Variants in WDR64 observed in about 807,000 individuals in gnomAD.
WDR64 encodes WD repeat domain 64, also known as WD repeat-containing protein 64.
WDR64 carries 112 observed loss-of-function variants against 139.3 expected under a neutral mutation model. That is an observed-to-expected ratio of 0.80 (90% CI 0.69 to 0.94). WDR64 has a LOEUF of 0.94. Among genes scored for constraint, WDR64 ranks in the 40% least tolerant of loss-of-function variants. WDR64 has a pLI of 0.00. For synonymous variants in WDR64, 444 were observed against 437.7 expected, an observed-to-expected ratio of 1.01 and a Z score of -0.18; for missense variants, 1,206 against 1,293.1, an observed-to-expected ratio of 0.93 and a Z score of 1.03.
intron 13 of WDR64, among the ~76,000 whole-genome samples, chr1:241,746,052 G>A (rs1218200848): frequency 6.6e-6 from 1 of 152,130 alleles, no homozygotes; most frequent in Non-Finnish European, 1.5e-5. Context: ...GTCCTTGAGG[G>A]TAGGCACTAT....
intron 8 of WDR64, among the ~76,000 whole-genome samples, chr1:241,697,710 G>A (rs1024910413): frequency 1.3e-5 from 2 of 151,922 alleles, no homozygotes; most frequent in South Asian, 2.1e-4. Flanking sequence ...TTTAACTTCC[G>A]AGAAGAGTAC....
At chr1:241,665,094 T>C (rs532394587) in intron 2 of WDR64, among the ~76,000 whole-genome samples, 4 of 152,088 alleles carry the variant, frequency 2.6e-5, no homozygotes, top group Non-Finnish European at 5.9e-5. Flanking sequence ...AAACAAAACA[T>C]ATGACATTAT....
rs779905240 is a variant in WDR64, at chr1:241,769,422, C to T, written c.2100C>T (p.Cys700=). The change falls in exon 17 of 28, where the codon TGC becomes TGT. Residue 700 remains cysteine, a synonymous_variant. Transcript: ENST00000437684. The part of the protein sequence containing the change: ...TVKKVYRPED[C]FTVNPDLHPK... ...CTTCTAGGTACCGACCTGAAGATTG[C>T]TTCACTGTAAACCCTGACTTGCATC... The T allele has an allele frequency of 5.8e-6, 9 of 1,551,414 alleles. No homozygotes were observed. The highest frequency in any genetic ancestry group is 7.8e-6 in the Non-Finnish European group (9 of 1,146,962).
intron 14 of WDR64, 92 bp downstream of exon 14, chr1:241,749,814 C>G: frequency 7.3e-7 from 1 of 1,373,382 alleles, no homozygotes; most frequent in Non-Finnish European, 1.0e-6. Context: ...TAACCCCGCT[C>G]TTGGTAGCCA....
chr1:241,736,894 C>A (rs539514532), intron 10 of WDR64, among the ~76,000 whole-genome samples: 2 of 152,282 alleles, frequency 1.3e-5, no homozygotes, highest in African/African-American at 2.4e-5. Context: ...TCCTCCTTTG[C>A]CTAGTCTCTT....
intron 8 of WDR64, among the ~76,000 whole-genome samples, chr1:241,705,592 T>TAATAAA (rs1667921710): frequency 1.3e-5 from 2 of 148,220 alleles, no homozygotes; most frequent in African/African-American, 5.0e-5. Context: ...ATAATAATAA[T>TAATAAA]AATAAAAGAT....
chr1:241,699,860 T>A (rs1461553880), intron 8 of WDR64, among the ~76,000 whole-genome samples: 1 of 152,088 alleles, frequency 6.6e-6, no homozygotes, highest in Non-Finnish European at 1.5e-5. Context: ...CATACCATGC[T>A]AAAGAGTTGG....
intron 8 of WDR64, 70 bp downstream of exon 8, chr1:241,687,665 C>A: frequency 6.9e-7 from 1 of 1,452,294 alleles, no homozygotes; most frequent in Non-Finnish European, 9.3e-7. Context: ...AAAACCATGA[C>A]AGCTTTGAAA....
intron 13 of WDR64, among the ~76,000 whole-genome samples, chr1:241,747,376 T>C (rs1045932840): frequency 6.6e-5 from 10 of 152,216 alleles, no homozygotes; most frequent in African/African-American, 2.2e-4. Context: ...TTTAGGATTA[T>C]ACCGTAGTCA....
At chr1:241,782,833 A>T (rs1469185845) in intron 22 of WDR64, among the ~76,000 whole-genome samples, 1 of 152,166 alleles carries the variant, frequency 6.6e-6, no homozygotes. Flanking sequence ...CTATCTCTAG[A>T]TAAAATCTGA....
intron 2 of WDR64, among the ~76,000 whole-genome samples, chr1:241,664,111 C>CCTGA (rs1188585263): frequency 1.3e-5 from 2 of 152,234 alleles, no homozygotes; most frequent in East Asian, 3.8e-4. Context: ...AAGTGTACAA[C>CCTGA]ATGAATGCAT....
chr1:241,740,865 A>T (rs1434800756), intron 11 of WDR64, among the ~76,000 whole-genome samples: 2 of 152,110 alleles, frequency 1.3e-5, no homozygotes. Flanking sequence ...TAGACATTAC[A>T]CTAAAACAGA....
chr1:241,724,599 CACAAT>C (rs1391402673), intron 10 of WDR64, among the ~76,000 whole-genome samples: 2 of 152,042 alleles, frequency 1.3e-5, no homozygotes, highest in African/African-American at 4.8e-5. Context: ...TAATATACAG[CACAAT>C]ACATTACATA....
intron 7 of WDR64, among the ~76,000 whole-genome samples, chr1:241,686,194 G>C (rs1018401204): frequency 3.9e-5 from 6 of 152,294 alleles, no homozygotes; most frequent in African/African-American, 1.4e-4. Flanking sequence ...AACCTCACCA[G>C]AATGACAAGT....
intron 1 of WDR64, among the ~76,000 whole-genome samples, chr1:241,659,420 T>C (rs1447819531): frequency 6.6e-6 from 1 of 152,248 alleles, no homozygotes; most frequent in Non-Finnish European, 1.5e-5. Context: ...TTTGGGTATA[T>C]ACTCAGTAAT....
chr1:241,802,631 T>G lies in WDR64; in HGVS notation c.*1416T>G, dbSNP rs956675701. 6.6e-6 allele frequency among the ~76,000 whole-genome samples: 1 copy of G among 152,186 alleles called. No individual in the cohort carries two copies. Among genetic ancestry groups the G allele is most frequent in the African/African-American group, 2.4e-5 (1 of 41,444 alleles). The stretch of plus-strand genomic sequence containing the variant: ...GATTACTAGTGTCTTCCACTTACTT[T>G]GAAATGAATCAAAAAAATAAGATGA... On this transcript the variant is annotated 3_prime_UTR_variant, in exon 28 of 28. Coordinates refer to ENST00000437684, the MANE Select transcript of WDR64 (RefSeq NM_001367482.1).
intron 14 of WDR64, among the ~76,000 whole-genome samples, 179 bp downstream of exon 14, chr1:241,749,901 A>G (rs1405036381): frequency 6.6e-6 from 1 of 152,102 alleles, no homozygotes; most frequent in Admixed American, 6.5e-5. Context: ...AAAGAGCAAA[A>G]AACAATCGCT....
In WDR64 at chr1:241,660,561, G is replaced by A. The variant is rs779123467; in HGVS notation, c.177G>A (p.Ser59=). The change falls in exon 2 of 28, where the codon TCG becomes TCA. Residue 59 remains serine (S), a synonymous_variant. Coordinates refer to ENST00000437684, the MANE Select transcript of WDR64 (RefSeq NM_001367482.1). The stretch of plus-strand genomic sequence containing the variant: ...TTGGTTATGACAAGTTTTATGCATC[G>A]GTACAGAAGCTCTTTGGTCCAGATG... ...DAIGYDKFYA[S]VQKLFGPDVK... The A allele has an allele frequency of 2.0e-5, 31 of 1,551,556 alleles. No homozygotes were observed. The highest frequency in any genetic ancestry group is 1.6e-4 in the Admixed American group (8 of 50,972).
chr1:241,744,342 T>C (rs1467435703), intron 12 of WDR64, 51 bp from the exon 13 acceptor site: 16 of 1,608,118 alleles, frequency 9.9e-6, no homozygotes, highest in Non-Finnish European at 1.4e-5. Flanking sequence ...CTGATGAGAA[T>C]TGAAGGGCTT....
Sources: gnomAD v4.1 joint callset for allele counts (sites outside exome capture counted in the v4.1 genomes callset) on GRCh38, gnomAD v4.1.1 for gene constraint, MANE v1.5 for transcripts, NCBI Gene and HGNC (gene_info 2026-07-23, HGNC 2026-07-21) for gene names.